Variants in NUDT1 observed in about 807,000 individuals in gnomAD.
The protein encoded by NUDT1 is nudix hydrolase 1.
NUDT1 carries 16 observed loss-of-function variants against 11.3 expected under a neutral mutation model. The observed-to-expected ratio is 1.41, with a 90% CI of 0.96 to 2.15. The LOEUF (loss-of-function observed/expected upper bound fraction) is 2.15, where lower values mean the gene tolerates loss of function less well. NUDT1 is among the 30% of genes most tolerant of loss of function. The pLI is 0.00. For missense variants in NUDT1, 234 were observed against 208.4 expected (o/e 1.12, Z -0.76); for synonymous variants, 101 against 84.4 (o/e 1.20, Z -1.08).
intron 2 of NUDT1, among the ~76,000 whole-genome samples, 172 bp downstream of exon 2, chr7:2,244,898 G>A (rs142154672): frequency 5.9e-5 from 9 of 152,312 alleles, no homozygotes; most frequent in East Asian, 1.9e-4. Flanking sequence ...GCAGCCCTTC[G>A]GACTCTTGTG....
intron 1 of NUDT1, chr7:2,242,897 A>G: frequency 1.4e-6 from 1 of 704,394 alleles, no homozygotes; most frequent in Non-Finnish European, 2.6e-6. Context: ...GCCTTATCGC[A>G]AGGACAGAGG....
intron 2 of NUDT1, 169 bp from the exon 3 acceptor site, chr7:2,249,688 G>T: frequency 1.3e-6 from 1 of 769,616 alleles, no homozygotes; most frequent in Non-Finnish European, 2.1e-6. Context: ...CTGAAGCTCA[G>T]CCAGGTCGGG....
Position 2,250,885 on chromosome 7 carries a change from G to C in NUDT1, c.355G>C (p.Asp119His). The C allele has an allele frequency of 6.2e-7, 1 of 1,614,162 alleles. No homozygotes were observed. Among genetic ancestry groups the C allele is most frequent in the Non-Finnish European group, 8.5e-7 (1 of 1,180,024 alleles). The change falls in exon 4 of 4, where the codon GAC becomes CAC. Residue 119 changes from aspartate to histidine, a missense_variant. Coordinates refer to ENST00000356714, the MANE Select transcript of NUDT1 (RefSeq NM_002452.4). ...GATCCCCTTCAAGGACATGTGGCCC[G>C]ACGACAGCTACTGGTTTCCACTCCT... ...DQIPFKDMWP[D>H]DSYWFPLLLQ...
chr7:2,250,827 A>G lies in NUDT1; in HGVS notation c.299-2A>G. ...GTGCCTCCTCTTCCCCCATTGGTAC[A>G]GAAATGCGCCCATGCTGGTTCCAGC... On this transcript the variant is annotated splice_acceptor_variant, in intron 3 of 3. Transcript: ENST00000356714. LOFTEE classifies it high-confidence loss of function. 6.2e-7 allele frequency: 1 copy of G among 1,614,090 alleles called. No individual in the cohort carries two copies. Among genetic ancestry groups the G allele is most frequent in the East Asian group, 2.2e-5 (1 of 44,874 alleles).
chr7:2,250,584 A>C (rs1398177995), intron 3 of NUDT1, among the ~76,000 whole-genome samples: 28 of 152,280 alleles, frequency 1.8e-4, no homozygotes, highest in African/African-American at 6.3e-4. Flanking sequence ...CAGCCTCCCA[A>C]GTAGCTGGGA....
intron 1 of NUDT1, 43 bp downstream of exon 1, chr7:2,242,299 A>C (rs1175348727): frequency 9.0e-6 from 8 of 885,836 alleles, no homozygotes; most frequent in African/African-American, 1.8e-5. Context: ...CGTGGTGACC[A>C]GGGAGGGGAG....
At chr7:2,250,774 T>C (rs1302275597) in intron 3 of NUDT1, 55 bp from the exon 4 acceptor site, 20 of 1,610,580 alleles carry the variant, frequency 1.2e-5, no homozygotes, top group Non-Finnish European at 1.4e-5. Context: ...AACATGTTTT[T>C]TAAGCATGAA....
chr7:2,249,679 T>C (rs1794900842), intron 2 of NUDT1, 178 bp from the exon 3 acceptor site: 1 of 728,580 alleles, frequency 1.4e-6, no homozygotes, highest in South Asian at 1.7e-5. Flanking sequence ...AAGTTGATTC[T>C]GAAGCTCAGC....
At chr7:2,245,870 G>A (rs1015048688) in intron 2 of NUDT1, among the ~76,000 whole-genome samples, 19 of 150,584 alleles carry the variant, frequency 1.3e-4, no homozygotes, top group Non-Finnish European at 2.7e-4. Context: ...CCACTAAGCC[G>A]ATTTCCCGGG....
chr7:2,243,634 G>A lies in NUDT1; in HGVS notation c.-12-929G>A, dbSNP rs935719166. On this transcript the variant is annotated intron_variant, in intron 1 of 3. Coordinates refer to ENST00000356714, the MANE Select transcript of NUDT1 (RefSeq NM_002452.4). Reference sequence around the variant, plus strand: ...CTAAAAATACAGAAATTAGCTGGGTGTGGCGGCTCATGCCTGTGGTCCCAG... The same window carrying A: ...CTAAAAATACAGAAATTAGCTGGGTATGGCGGCTCATGCCTGTGGTCCCAG... 2.0e-5 allele frequency among the ~76,000 whole-genome samples: 3 copies of A among 152,238 alleles called. No individual in the cohort carries two copies. The East Asian group carries it at 5.8e-4, about 29-fold the overall frequency.
At chr7:2,246,717 G>C (rs990973139) in intron 2 of NUDT1, among the ~76,000 whole-genome samples, 2 of 152,182 alleles carry the variant, frequency 1.3e-5, no homozygotes, top group African/African-American at 4.8e-5. Context: ...TACAGTGGTG[G>C]CTTGCTGTCA....
chr7:2,250,480 C>T (rs1046085976), intron 3 of NUDT1, among the ~76,000 whole-genome samples: 12 of 152,204 alleles, frequency 7.9e-5, no homozygotes, highest in East Asian at 1.9e-4. Flanking sequence ...TGTTTTGAGA[C>T]GAAGTCTCGC....
intron 2 of NUDT1, chr7:2,247,994 A>G (rs1332359392): frequency 6.6e-6 from 1 of 152,204 alleles, no homozygotes; most frequent in East Asian, 1.9e-4. Context: ...TGTATGAATA[A>G]ATGCTGATTC....
intron 1 of NUDT1, chr7:2,242,662 C>T (rs1435633010): frequency 2.7e-6 from 1 of 373,914 alleles, no homozygotes; most frequent in Non-Finnish European, 4.9e-6. Context: ...GTTCCCTTGT[C>T]CTCCTCGAAG....
chr7:2,248,181 C>T (rs1271346911), intron 2 of NUDT1: 1 of 152,276 alleles, frequency 6.6e-6, no homozygotes, highest in African/African-American at 2.4e-5. Context: ...TAGCAAGACC[C>T]TGTCTCTACA....
At chr7:2,247,704 C>T (rs190745643) in intron 2 of NUDT1, among the ~76,000 whole-genome samples, 4 of 152,368 alleles carry the variant, frequency 2.6e-5, no homozygotes, top group East Asian at 1.9e-4. Context: ...GCGTCATCTT[C>T]GCCTGCCTGG....
intron 1 of NUDT1, 198 bp downstream of exon 1, chr7:2,242,454 A>C: frequency 2.0e-6 from 1 of 494,158 alleles, no homozygotes; most frequent in South Asian, 2.9e-5. Context: ...TGGGAGAGAG[A>C]CAAGGAGAGC....
intron 2 of NUDT1, among the ~76,000 whole-genome samples, chr7:2,247,818 A>T (rs1467010514): frequency 6.6e-6 from 1 of 152,230 alleles, no homozygotes; most frequent in African/African-American, 2.4e-5. Context: ...ATCAGTCACA[A>T]TATCCCACTG....
At position 2,249,939 on chromosome 7, in the gene NUDT1, G is replaced by C; in HGVS notation, c.235G>C (p.Glu79Gln). ...QIVFEFVGEP[E>Q]LMDVHVFCTD... ...CGTGTTTGAGTTCGTGGGCGAGCCT[G>C]AGCTCATGGACGTGCATGTCTTCTG... The change falls in exon 3 of 4, where the codon GAG becomes CAG. Residue 79 changes from glutamate (E) to glutamine (Q), a missense_variant. Glu to Gln is a conservative substitution (Grantham distance 29). Coordinates refer to ENST00000356714, the MANE Select transcript of NUDT1 (RefSeq NM_002452.4). 1 of 1,614,212 alleles carries C rather than the reference G, an allele frequency of 6.2e-7. No homozygotes were observed. Among genetic ancestry groups the C allele is most frequent in the South Asian group, 1.1e-5 (1 of 91,092 alleles).
Sources: gnomAD v4.1 joint callset for allele counts (sites outside exome capture counted in the v4.1 genomes callset) on GRCh38, gnomAD v4.1.1 for gene constraint, MANE v1.5 for transcripts, NCBI Gene and HGNC (gene_info 2026-07-23, HGNC 2026-07-21) for gene names.